Variants in SLC39A4 observed in about 807,000 individuals in gnomAD.
SLC39A4 encodes zinc transporter ZIP4.
In SLC39A4, 49 loss-of-function variants were observed where a neutral mutation model predicts 56.6. The ratio of observed to expected loss-of-function variants is 0.87; its 90% CI spans 0.69 to 1.10. The LOEUF is 1.10. Ranked by LOEUF, SLC39A4 falls within the 50% of genes least tolerant of loss-of-function variation. SLC39A4 has a pLI of 0.00. For missense variants in SLC39A4, 993 were observed against 864.2 expected (o/e 1.15, Z -1.87); for synonymous variants, 540 against 420.4 (o/e 1.28, Z -3.48).
At chr8:144,415,708 C>G in intron 2 of SLC39A4, 102 bp downstream of exon 2, 3 of 1,430,628 alleles carry the variant, frequency 2.1e-6, no homozygotes, top group South Asian at 1.5e-5. Flanking sequence ...GGGCGTCTCC[C>G]CAGGCCCCCA....
In SLC39A4 at chr8:144,412,549, T is replaced by C; in HGVS notation, c.1933A>G (p.Ile645Val). 6.2e-7 allele frequency: 1 copy of C among 1,614,174 alleles called. No individual in the cohort carries two copies. The highest frequency in any genetic ancestry group is 8.5e-7 in the Non-Finnish European group (1 of 1,180,026). ...ACTAGGGCAGGGTATCAGAAGGTGATGTCATCCTCGTACAGGGACAGCAGC... is the reference window on the plus strand; with the variant it reads ...ACTAGGGCAGGGTATCAGAAGGTGACGTCATCCTCGTACAGGGACAGCAGC... ...LLLLSLYEDD[I>V]TF The change falls in exon 12 of 12, where the codon ATC becomes GTC. Residue 645 changes from isoleucine to valine, a missense_variant. Ile to Val is a conservative substitution (Grantham distance 29). Coordinates refer to ENST00000301305, the MANE Select transcript of SLC39A4 (RefSeq NM_130849.4).
chr8:144,413,416 G>A, intron 9 of SLC39A4, 27 bp from the exon 10 acceptor site: 1 of 1,605,074 alleles, frequency 6.2e-7, no homozygotes. Flanking sequence ...CCGTGGGTTC[G>A]CGTGGCCTGT....
chr8:144,415,165 C>T, intron 3 of SLC39A4, 55 bp from the exon 4 acceptor site: 6 of 1,612,790 alleles, frequency 3.7e-6, no homozygotes, highest in Non-Finnish European at 5.1e-6. Flanking sequence ...GCCCTGCCCC[C>T]CAGGGACGTG....
chr8:144,415,579 G>A (rs1554873702), intron 2 of SLC39A4, among the ~76,000 whole-genome samples, 160 bp from the exon 3 acceptor site: 1 of 152,082 alleles, frequency 6.6e-6, no homozygotes, highest in African/African-American at 2.4e-5. Flanking sequence ...AGCTGCTTCA[G>A]GCTCCCACTC....
chr8:144,413,226 C>G lies in SLC39A4; in HGVS notation c.1627+11G>C. 1 of 1,561,734 alleles carries G rather than the reference C, an allele frequency of 6.4e-7. No individual in the cohort carries two copies. The highest frequency in any genetic ancestry group is 8.6e-7 in the Non-Finnish European group (1 of 1,158,640). On this transcript the variant is annotated intron_variant, in intron 10 of 11. Coordinates refer to ENST00000301305, the MANE Select transcript of SLC39A4 (RefSeq NM_130849.4). ...CCCGCCCATCTCCTTCCAGGCCCCG[C>G]CTGCGCTCACCCAGCTCGTGTGGCA...
Position 144,413,526 on chromosome 8 carries a change from C to G in SLC39A4, c.1461G>C (p.Arg487Ser). The G allele has an allele frequency of 6.4e-7, 1 of 1,556,868 alleles. No individual in the cohort carries two copies. Among genetic ancestry groups the G allele is most frequent in the South Asian group, 1.2e-5 (1 of 84,758 alleles). ...CCCTGGGCTCACCTGGGCTCAGTCT[C>G]CTGGGCTCAGGGTTCAGCAGCTCCG... is the stretch of plus-strand genomic sequence containing the variant. Reference protein sequence around the residue: ...ESPELLNPEPRRLSPELRLLP... With the variant: ...ESPELLNPEPSRLSPELRLLP... Residue 487 changes from arginine to serine, a missense_variant, in exon 9 of 12, where the codon AGG (arginine) becomes AGC (serine). Physicochemically the swap from Arg to Ser is moderately radical, Grantham distance 110. Coordinates refer to ENST00000301305, the MANE Select transcript of SLC39A4 (RefSeq NM_130849.4).
rs141199511 is a variant in SLC39A4, at chr8:144,415,299, A to G, written c.595T>C (p.Leu199=). ...TCCACGAAGTACTGAGGGCTCGGCA[A>G]GGCGTGGAAGCAAGACCCGCTCCTG... ...HVRSGSCFHA[L]PSPQYFVDFV... Residue 199 remains leucine, a synonymous_variant, in exon 3 of 12, where the codon TTG becomes CTG. Transcript: ENST00000301305. The G allele has an allele frequency of 2.3e-3, 3,657 of 1,613,190 alleles. 7 individuals are homozygous for G. Among genetic ancestry groups the G allele is most frequent in the Non-Finnish European group, 2.8e-3 (3,308 of 1,179,844 alleles).
In SLC39A4 at chr8:144,415,326, C is replaced by T. The variant is rs1315148412; in HGVS notation, c.568G>A (p.Val190Ile). The change falls in exon 3 of 12, where the codon GTC becomes ATC. Residue 190 changes from valine (V) to isoleucine (I), a missense_variant. Physicochemically the swap from Val to Ile is conservative, Grantham distance 29. Transcript: ENST00000301305. Reference protein sequence around the residue: ...GGVLAALLDHVRSGSCFHALP... With the variant: ...GGVLAALLDHIRSGSCFHALP... The stretch of plus-strand genomic sequence containing the variant: ...GCGTGGAAGCAAGACCCGCTCCTGA[C>T]ATGGTCCAGCAGGGCAGCCAGGACG... 2 of 1,612,612 alleles carry T rather than the reference C, an allele frequency of 1.2e-6. No homozygotes were observed. Among genetic ancestry groups the T allele is most frequent in the Non-Finnish European group, 1.7e-6 (2 of 1,179,772 alleles).
intron 10 of SLC39A4, 107 bp downstream of exon 10, chr8:144,413,130 C>T (rs1821962323): frequency 6.7e-7 from 1 of 1,501,340 alleles, no homozygotes; most frequent in Non-Finnish European, 8.9e-7. Context: ...CCCACCCAGC[C>T]AGGTGCGGCC....
At position 144,414,383 on chromosome 8, in the gene SLC39A4, A is replaced by G. The variant is rs1554873049; in HGVS notation, c.1028T>C (p.Phe343Ser). The change falls in exon 6 of 12, where the codon TTT (phenylalanine) becomes TCT (serine). Residue 343 changes from phenylalanine to serine, a missense_variant. Phe to Ser is a radical substitution (Grantham distance 155). Coordinates refer to ENST00000301305, the MANE Select transcript of SLC39A4 (RefSeq NM_130849.4). The stretch of plus-strand genomic sequence containing the variant: ...AGTGCAGGTCAGCAGCAGGAGGCCA[A>G]AGACCGCGCAGAGGCAGATGAGCAG... Reference protein sequence around the residue: ...ATLLICLCAVFGLLLLTCTGC... With the variant: ...ATLLICLCAVSGLLLLTCTGC... 3.2e-6 allele frequency: 5 copies of G among 1,578,878 alleles called. No homozygotes were observed. Among genetic ancestry groups the G allele is most frequent in the Non-Finnish European group, 4.3e-6 (5 of 1,163,546 alleles).
rs368517311 is a variant in SLC39A4, at chr8:144,416,105, C to G, written c.193-14G>C. On this transcript the variant is annotated splice_polypyrimidine_tract_variant and intron_variant, in intron 1 of 11. Transcript: ENST00000301305. ...CACAGACAGGCACTGTGGGCAGAGA[C>G]AAGTGAGCAGGGGCGCTGGGCCCAC... The G allele has an allele frequency of 5.6e-6, 9 of 1,601,054 alleles. No individual in the cohort carries two copies. The highest frequency in any genetic ancestry group is 5.9e-6 in the Non-Finnish European group (7 of 1,177,066).
chr8:144,413,057 C>T, intron 10 of SLC39A4, 111 bp from the exon 11 acceptor site: 1 of 1,494,376 alleles, frequency 6.7e-7, no homozygotes, highest in Non-Finnish European at 9.0e-7. Context: ...TCCCGGTCTC[C>T]CCGCCCAGCC....
Position 144,412,441 on chromosome 8 carries a change from G to C in SLC39A4, c.*97C>G, listed in dbSNP as rs1446272448. The C allele has an allele frequency of 1.9e-6, 3 of 1,593,358 alleles. No individual in the cohort carries two copies. The highest frequency in any genetic ancestry group is 1.7e-6 in the Non-Finnish European group (2 of 1,163,148). ...CAAGGACAAGAGTGTCTTTACTGGA[G>C]TTGGGACTGGGGCCTCTATAGGGGC... On this transcript the variant is annotated 3_prime_UTR_variant, in exon 12 of 12. Coordinates refer to ENST00000301305, the MANE Select transcript of SLC39A4 (RefSeq NM_130849.4).
chr8:144,413,887 A>G lies in SLC39A4; in HGVS notation c.1288-6T>C, dbSNP rs1318489770. 2 of 1,608,140 alleles carry G rather than the reference A, an allele frequency of 1.2e-6. No homozygotes were observed. The highest frequency in any genetic ancestry group is 2.2e-5 in the South Asian group (2 of 90,186). Reference sequence around the variant, plus strand: ...CAGGGCCCGTCCTCCAGGTCCTGTGAGGGTAGGTGCTCAGTGTCCACCAGG... The same window carrying G: ...CAGGGCCCGTCCTCCAGGTCCTGTGGGGGTAGGTGCTCAGTGTCCACCAGG... On this transcript the variant is annotated splice_region_variant and splice_polypyrimidine_tract_variant and intron_variant, in intron 7 of 11. Transcript: ENST00000301305.
At position 144,413,896 on chromosome 8, in the gene SLC39A4, G is replaced by T; in HGVS notation, c.1288-15C>A. ...TCCTCCAGGTCCTGTGAGGGTAGGT[G>T]CTCAGTGTCCACCAGGCCCCCAGCA... On this transcript the variant is annotated splice_polypyrimidine_tract_variant and intron_variant, in intron 7 of 11. Coordinates refer to ENST00000301305, the MANE Select transcript of SLC39A4 (RefSeq NM_130849.4). 1.2e-6 allele frequency: 2 copies of T among 1,608,998 alleles called. No individual in the cohort carries two copies. The highest frequency in any genetic ancestry group is 8.5e-7 in the Non-Finnish European group (1 of 1,178,780).
chr8:144,414,413 G>A lies in SLC39A4; in HGVS notation c.998C>T (p.Ala333Val), dbSNP rs1399220733. Residue 333 changes from alanine (A) to valine (V), a missense_variant, in exon 6 of 12, where the codon GCC (alanine) becomes GTC (valine). Physicochemically the swap from Ala to Val is moderately conservative, Grantham distance 64. Transcript: ENST00000301305. ...CGCGCAGAGGCAGATGAGCAGCGTG[G>A]CCAGGGAGCCGTACAGATACCCTGG... ...QSERYLYGSL[A>V]TLLICLCAVF... 3.8e-6 allele frequency: 6 copies of A among 1,562,068 alleles called. No homozygotes were observed. The highest frequency in any genetic ancestry group is 5.2e-6 in the Non-Finnish European group (6 of 1,153,576).
Position 144,415,414 on chromosome 8 carries a change from G to A in SLC39A4, c.480C>T (p.Cys160=), listed in dbSNP as rs367915055. Residue 160 remains cysteine (C), a synonymous_variant, in exon 3 of 12, where the codon TGC becomes TGT. Transcript: ENST00000301305. The part of the protein sequence containing the change: ...RAAGQTPKMA[C]VDIPQLLEEA... ...CCTCCAGCAGCTGAGGGATATCTAC[G>A]CAGGCCTGGGGAAGAGGGGGCCTCC... 4.4e-5 allele frequency: 71 copies of A among 1,600,774 alleles called. No individual in the cohort carries two copies. Among genetic ancestry groups the A allele is most frequent in the South Asian group, 7.8e-5 (7 of 89,732 alleles).
chr8:144,415,470 C>A, intron 2 of SLC39A4, 51 bp from the exon 3 acceptor site: 2 of 1,536,066 alleles, frequency 1.3e-6, no homozygotes, highest in Non-Finnish European at 1.8e-6. Context: ...CTTCTGCCAT[C>A]CACCCCGCTG....
chr8:144,415,894 G>A lies in SLC39A4; in HGVS notation c.390C>T (p.Leu130=), dbSNP rs782454483. The change falls in exon 2 of 12, where the codon CTC becomes CTT. Residue 130 remains leucine, a synonymous_variant. Transcript: ENST00000301305. ...ASHADHLLAL[L]ESPKALTPGL... Reference sequence around the variant, plus strand: ...CCGGGGTCAGGGCCTTGGGGCTCTCGAGCAGGGCCAGGAGGTGGTCTGCAT... The same window carrying A: ...CCGGGGTCAGGGCCTTGGGGCTCTCAAGCAGGGCCAGGAGGTGGTCTGCAT... 152 of 1,595,458 alleles carry A rather than the reference G, an allele frequency of 9.5e-5. 1 individual carries two copies. In the Admixed American group the frequency reaches 1.3e-3, roughly 14 times the overall value.
Sources: gnomAD v4.1 joint callset for allele counts (sites outside exome capture counted in the v4.1 genomes callset) on GRCh38, gnomAD v4.1.1 for gene constraint, MANE v1.5 for transcripts, NCBI Gene and HGNC (gene_info 2026-07-23, HGNC 2026-07-21) for gene names.